LMF2: variants seen among roughly 807,000 people sequenced by gnomAD.
The protein encoded by LMF2 is lipase maturation factor 2, also known as transmembrane protein 112B.
LMF2 carries 113 observed loss-of-function variants against 81.5 expected under a neutral mutation model. The ratio of observed to expected loss-of-function variants is 1.39; its 90% CI spans 1.19 to 1.62. The LOEUF (loss-of-function observed/expected upper bound fraction) is 1.62, where lower values mean the gene tolerates loss of function less well. LMF2 is among the 40% of genes most tolerant of loss of function. The pLI is 0.00. For missense variants in LMF2, 1,235 were observed against 929.1 expected, an observed-to-expected ratio of 1.33 and a Z score of -4.28; for synonymous variants, 645 against 424.5, an observed-to-expected ratio of 1.52 and a Z score of -6.39.
chr22:50,503,926 A>G (rs772532219), intron 12 of LMF2, 22 bp from the exon 13 acceptor site: 6 of 1,600,566 alleles, frequency 3.7e-6, no homozygotes, highest in South Asian at 2.2e-5. Flanking sequence ...CCCGATGTTC[A>G]GAAGCTGGAG....
intron 5 of LMF2, 77 bp from the exon 6 acceptor site, chr22:50,505,892 G>A: frequency 6.3e-7 from 1 of 1,590,418 alleles, no homozygotes; most frequent in Admixed American, 1.7e-5. Flanking sequence ...CACCCTGCAG[G>A]GTGCATCCCT....
Position 50,505,097 on chromosome 22 carries a change from A to G in LMF2, c.1214T>C (p.Leu405Pro), listed in dbSNP as rs569223666. Residue 405 changes from leucine to proline, a missense_variant, in exon 9 of 14, where the codon CTT becomes CCT. Leu to Pro is a moderately conservative substitution (Grantham distance 98). Coordinates refer to ENST00000474879, the MANE Select transcript of LMF2 (RefSeq NM_033200.3). ...CAAGGCCACGGTCGCAGTGCCCACA[A>G]GGGACAGTTGGACTACAGCACTGAG... ...RKLSAVVQLS[L>P]VGTATVALFL... 1.2e-6 allele frequency: 2 copies of G among 1,612,986 alleles called. No individual in the cohort carries two copies. Among genetic ancestry groups the G allele is most frequent in the Admixed American group, 1.7e-5 (1 of 60,024 alleles).
rs775288847 is a variant in LMF2, at chr22:50,504,375, G to A, written c.1683C>T (p.Arg561=). The change falls in exon 12 of 14, where the codon CGC becomes CGT. Residue 561 remains arginine, a synonymous_variant. Coordinates refer to ENST00000474879, the MANE Select transcript of LMF2 (RefSeq NM_033200.3). ...CAGGCTGGGAGAACCAGTACTTGTAGCGCTGGGCTCGGACGTAGGTGGGCG... is the reference window on the plus strand; with the variant it reads ...CAGGCTGGGAGAACCAGTACTTGTAACGCTGGGCTCGGACGTAGGTGGGCG... ...KQPPTYVRAQ[R]YKYWFSQPGE... is the part of the protein sequence containing the mutation. 3 of 1,612,198 alleles carry A rather than the reference G, an allele frequency of 1.9e-6. No homozygotes were observed. In the South Asian group the frequency reaches 3.3e-5, roughly 18 times the overall value.
In LMF2 at chr22:50,505,425, C is replaced by T. The variant is rs752911271; in HGVS notation, c.1029G>A (p.Gln343=). 1 of 1,613,080 alleles carries T rather than the reference C, an allele frequency of 6.2e-7. No homozygotes were observed. Among genetic ancestry groups the T allele is most frequent in the East Asian group, 2.2e-5 (1 of 44,890 alleles). ...HYFGLEVDWQ[Q]RTIHSRTTFT... is the part of the protein sequence containing the mutation. ...CACTGGTTCTGGAGTGGATGGTGCG[C>T]TGCTGCCAGTCAACCTCCAGGCCAA... The change falls in exon 7 of 14, where the codon CAG becomes CAA. Residue 343 remains glutamine (Q), a synonymous_variant. Transcript: ENST00000474879.
Position 50,505,305 on chromosome 22 carries a change from G to C in LMF2, c.1081C>G (p.Leu361Val), listed in dbSNP as rs150293650. 10 of 1,613,224 alleles carry C rather than the reference G, an allele frequency of 6.2e-6. No homozygotes were observed. The South Asian group carries it at 7.7e-5, about 12-fold the overall frequency. The change falls in exon 8 of 14, where the codon CTG becomes GTG. Residue 361 changes from leucine (L) to valine (V), a missense_variant. Leu to Val is a conservative substitution (Grantham distance 32, BLOSUM62 1). Coordinates refer to ENST00000474879, the MANE Select transcript of LMF2 (RefSeq NM_033200.3). ...TFTFHQFSQW[L>V]KTLTLPTVWL... ...ACAGTGGGCAGCGTCAGTGTCTTCAGCCACTGAGAAAACTGGTGGAAGGTG... is the reference window on the plus strand; with the variant it reads ...ACAGTGGGCAGCGTCAGTGTCTTCACCCACTGAGAAAACTGGTGGAAGGTG...
chr22:50,506,731 G>A (rs748544567), intron 2 of LMF2, 51 bp downstream of exon 2: 9 of 1,612,630 alleles, frequency 5.6e-6, no homozygotes, highest in Non-Finnish European at 6.8e-6. Context: ...AGAGGCAGGG[G>A]TGGGTGGTGG....
At position 50,504,622 on chromosome 22, in the gene LMF2, G is replaced by T. The variant is rs2068506182; in HGVS notation, c.1543C>A (p.Pro515Thr). 1.2e-6 allele frequency: 2 copies of T among 1,607,400 alleles called. No homozygotes were observed. Among genetic ancestry groups the T allele is most frequent in the Non-Finnish European group, 1.7e-6 (2 of 1,179,256 alleles). ...DWQMWFAALG[P>T]HTHSPWFTSL... The stretch of plus-strand genomic sequence containing the variant: ...GTGAACCACGGGCTGTGCGTGTGTG[G>T]GCCCAGGGCTGCAAACCACATCTGC... The change falls in exon 11 of 14, where the codon CCA (proline) becomes ACA (threonine). Residue 515 changes from proline to threonine, a missense_variant. Coordinates refer to ENST00000474879, the MANE Select transcript of LMF2 (RefSeq NM_033200.3).
Position 50,505,776 on chromosome 22 carries a change from T to C in LMF2, c.814A>G (p.Asn272Asp), listed in dbSNP as rs2068546234. ...ACCAGCGTCATCAGGTTGAAGAAGT[T>C]GTAGTTGCCGGTGATGATAATCAGG... ...QVLIIITGNY[N>D]FFNLMTLVLT... is the part of the protein sequence containing the mutation. The change falls in exon 6 of 14, where the codon AAC becomes GAC. Residue 272 changes from asparagine (N) to aspartate (D), a missense_variant. Transcript: ENST00000474879. The C allele has an allele frequency of 1.9e-6, 3 of 1,613,174 alleles. No homozygotes were observed. Among genetic ancestry groups the C allele is most frequent in the Non-Finnish European group, 2.5e-6 (3 of 1,179,886 alleles).
intron 10 of LMF2, 23 bp from the exon 11 acceptor site, chr22:50,504,750 C>T: frequency 6.2e-7 from 1 of 1,607,760 alleles, no homozygotes; most frequent in Non-Finnish European, 8.5e-7. Flanking sequence ...CCGAGGTCAG[C>T]TGGGCCCGCT....
rs763981048 is a variant in LMF2 at position 50,504,571 on chromosome 22, C to T, written c.1594G>A (p.Gly532Ser). 6.3e-7 allele frequency: 1 copy of T among 1,597,904 alleles called. No homozygotes were observed. The highest frequency in any genetic ancestry group is 1.1e-5 in the South Asian group (1 of 90,424). Residue 532 changes from glycine (G) to serine (S), a missense_variant, in exon 11 of 14, where the codon GGC (glycine) becomes AGC (serine). By Grantham distance (56) the Gly-to-Ser change is moderately conservative. Transcript: ENST00000474879. ...FTSLVLRLLQ[G>S]KEPVIRLVQS... Reference sequence around the variant, plus strand: ...GCCCGCTCCGCACCTGGCTCCTTGCCCTGCAGCAGGCGCAAGACCAGGCTT... The same window carrying T: ...GCCCGCTCCGCACCTGGCTCCTTGCTCTGCAGCAGGCGCAAGACCAGGCTT...
chr22:50,503,841 C>G lies in LMF2; in HGVS notation c.1782G>C (p.Thr594=), dbSNP rs149194476. ...CAAACTGCCTGAGCAGCGTCTCCAG[C>G]GTGGGGTCCCCCAGGGACACGGATG... The part of the protein sequence containing the change: ...FFPSVSLGDP[T]LETLLRQFGL... The change falls in exon 13 of 14, where the codon ACG becomes ACC. Residue 594 remains threonine (T), a synonymous_variant. Transcript: ENST00000474879. 1 of 1,606,078 alleles carries G rather than the reference C, an allele frequency of 6.2e-7. No homozygotes were observed. Among genetic ancestry groups the G allele is most frequent in the East Asian group, 2.2e-5 (1 of 44,870 alleles).
chr22:50,505,960 C>T, intron 5 of LMF2, 75 bp downstream of exon 5: 1 of 1,562,300 alleles, frequency 6.4e-7, no homozygotes, highest in Non-Finnish European at 8.7e-7. Context: ...CACGCTGTCC[C>T]CAACAGGGCA....
Position 50,503,246 on chromosome 22 carries a change from C to T in LMF2, c.*145G>A. 2 of 824,752 alleles carry T rather than the reference C, an allele frequency of 2.4e-6. No homozygotes were observed. Among genetic ancestry groups the T allele is most frequent in the Non-Finnish European group, 3.7e-6 (2 of 540,744 alleles). 51.1% of individuals were successfully genotyped at this position (824,752 alleles called of 1,614,324 possible). A position where few individuals can be genotyped will look rare whatever the true frequency, so the allele number is the denominator to read the frequency against. On this transcript the variant is annotated 3_prime_UTR_variant, in exon 14 of 14. Transcript: ENST00000474879. ...GGGGCCTGGAGCCCTCAATGCAGCA[C>T]CCTGCAAACCCCAGGGGCAGCCCCC...
chr22:50,506,258 AC>A, intron 4 of LMF2, 26 bp downstream of exon 4: 2 of 1,547,782 alleles, frequency 1.3e-6, no homozygotes, highest in Non-Finnish European at 1.7e-6. Context: ...CCCCCAGACT[AC>A]CCCAGGTCCA....
chr22:50,505,591 G>A lies in LMF2; in HGVS notation c.917-54C>T, dbSNP rs972789876. On this transcript the variant is annotated intron_variant, in intron 6 of 13. Transcript: ENST00000474879. Reference sequence around the variant, plus strand: ...AGAGGGTCCCCAGCCAGGGGGCTGGGGTGCAGCTAGAGTGGGAGTCCTGTG... The same window carrying A: ...AGAGGGTCCCCAGCCAGGGGGCTGGAGTGCAGCTAGAGTGGGAGTCCTGTG... The A allele has an allele frequency of 2.5e-6, 4 of 1,611,654 alleles. No individual in the cohort carries two copies. In the African/African-American group the frequency reaches 4.0e-5, roughly 16 times the overall value.
intron 1 of LMF2, chr22:50,507,303 C>T (rs2068614663): frequency 3.3e-6 from 2 of 611,474 alleles, no homozygotes; most frequent in South Asian, 4.0e-5. Flanking sequence ...AGCCCGATCT[C>T]CTACCTGTCC....
chr22:50,506,659 T>C lies in LMF2; in HGVS notation c.356A>G (p.Gln119Arg). ...AAYLSACQVG[Q>R]VFLYFQWDSL... ...TCACCACTGGAAATAAAGGAACACC[T>C]GGCCCACCTGCGGAGAGAGGGGCTG... The change falls in exon 3 of 14, where the codon CAG (glutamine) becomes CGG (arginine). Residue 119 changes from glutamine (Q) to arginine (R), a missense_variant. By Grantham distance (43) the Gln-to-Arg change is conservative. Coordinates refer to ENST00000474879, the MANE Select transcript of LMF2 (RefSeq NM_033200.3). 6.2e-7 allele frequency: 1 copy of C among 1,613,390 alleles called. No individual in the cohort carries two copies.
Position 50,504,541 on chromosome 22 carries a change from C to A in LMF2, c.1606+18G>T. On this transcript the variant is annotated intron_variant, in intron 11 of 13. Coordinates refer to ENST00000474879, the MANE Select transcript of LMF2 (RefSeq NM_033200.3). ...CTCCACCCCAGCCCACTCCACACCC[C>A]CCAAGCCCGCTCCGCACCTGGCTCC... The A allele has an allele frequency of 1.9e-6, 3 of 1,555,036 alleles. No individual in the cohort carries two copies. The highest frequency in any genetic ancestry group is 1.2e-5 in the South Asian group (1 of 85,766).
chr22:50,506,518 A>G lies in LMF2; in HGVS notation c.378-16T>C. ...CAGGGAGTCCCTATGGGGAGAGCAA[A>G]TAGCACCAAGAGCCCCTCCCCACAC... On this transcript the variant is annotated splice_polypyrimidine_tract_variant and intron_variant, in intron 3 of 13. Coordinates refer to ENST00000474879, the MANE Select transcript of LMF2 (RefSeq NM_033200.3). 1 of 1,562,836 alleles carries G rather than the reference A, an allele frequency of 6.4e-7. No homozygotes were observed. The highest frequency in any genetic ancestry group is 8.6e-7 in the Non-Finnish European group (1 of 1,156,642).
Sources: gnomAD v4.1 joint callset for allele counts on GRCh38, gnomAD v4.1.1 for gene constraint, MANE v1.5 for transcripts, NCBI Gene and HGNC (gene_info 2026-07-23, HGNC 2026-07-21) for gene names.